The following SNTB1 variants were observed in gnomAD, a reference collection of about 807,000 sequenced individuals.
SNTB1 encodes the protein beta-1-syntrophin.
In SNTB1, 36 loss-of-function variants were observed where a neutral mutation model predicts 48.9. That is an observed-to-expected ratio of 0.74 (90% CI 0.56 to 0.97). SNTB1 has a LOEUF of 0.97. SNTB1 is among the 50% of genes least tolerant of loss of function. The pLI, the probability that SNTB1 is intolerant of heterozygous loss-of-function variation, is 0.00. For missense variants in SNTB1, 786 were observed against 703.4 expected, an observed-to-expected ratio of 1.12 and a Z score of -1.33; for synonymous variants, 299 against 294.6, an observed-to-expected ratio of 1.01 and a Z score of -0.15.
At chr8:120,666,323 T>G (rs1162770576) in intron 2 of SNTB1, among the ~76,000 whole-genome samples, 1 of 152,232 alleles carries the variant, frequency 6.6e-6, no homozygotes, top group East Asian at 1.9e-4. Flanking sequence ...TTCACCTTAA[T>G]TTTTGAAGGA....
intron 3 of SNTB1, among the ~76,000 whole-genome samples, chr8:120,579,197 CAA>C (rs569193250): frequency 0.2 from 29,974 of 151,776 alleles, 3,051 homozygotes; most frequent in Middle Eastern, 0.3. Context: ...AACAAACAAA[CAA>C]ACAAACAAAC....
At chr8:120,791,641 A>C (rs1820038182) in intron 1 of SNTB1, among the ~76,000 whole-genome samples, 1 of 152,064 alleles carries the variant, frequency 6.6e-6, no homozygotes, top group African/African-American at 2.4e-5. Context: ...AATATCATGA[A>C]TACTTGAAGC....
chr8:120,672,548 G>A (rs1378835105), intron 2 of SNTB1, among the ~76,000 whole-genome samples: 1 of 152,182 alleles, frequency 6.6e-6, no homozygotes, highest in Non-Finnish European at 1.5e-5. Flanking sequence ...ATGGCACAGA[G>A]CTCCTGAAAG....
chr8:120,726,914 C>A (rs1346818787), intron 1 of SNTB1, among the ~76,000 whole-genome samples: 1 of 152,208 alleles, frequency 6.6e-6, no homozygotes, highest in East Asian at 1.9e-4. Flanking sequence ...AATAGTCAAT[C>A]TGCAGTGCTC....
chr8:120,779,674 G>C (rs1263973390), intron 1 of SNTB1, among the ~76,000 whole-genome samples: 1 of 152,136 alleles, frequency 6.6e-6, no homozygotes, highest in Admixed American at 6.5e-5. Context: ...CAAGCTGTGG[G>C]TAAAACGAAC....
intron 2 of SNTB1, among the ~76,000 whole-genome samples, chr8:120,690,854 C>A (rs1486500721): frequency 6.6e-6 from 1 of 152,176 alleles, no homozygotes; most frequent in Non-Finnish European, 1.5e-5. Flanking sequence ...GCAAGCCTCA[C>A]CTAGGCCCCC....
intron 1 of SNTB1, among the ~76,000 whole-genome samples, chr8:120,722,584 GA>G (rs1342512763): frequency 3.3e-5 from 5 of 152,124 alleles, no homozygotes; most frequent in Non-Finnish European, 7.4e-5. Context: ...CTCACTTTTT[GA>G]TGGGGTTGTT....
chr8:120,548,882 TG>T lies in SNTB1; in HGVS notation c.1212del (p.Arg405GlyfsTer24). 2 of 1,613,848 alleles carry T rather than the reference TG, an allele frequency of 1.2e-6. No homozygotes were observed. Among genetic ancestry groups the T allele is most frequent in the Non-Finnish European group, 1.7e-6 (2 of 1,179,866 alleles). ...AAGAGATGTGTTTCAATCCCTTGCC[TG>T]GTACCAGTTCGCGTTGCAAAGGACA... is the stretch of plus-strand genomic sequence containing the variant. Reference protein sequence around the residue: ...VDLSFATRTGTRQGIETHLFR... With the variant: ...VDLSFATRTGXRQGIETHLFR... On this transcript the variant is annotated frameshift_variant, in exon 5 of 7. Transcript: ENST00000517992. LOFTEE classifies it high-confidence loss of function.
intron 2 of SNTB1, among the ~76,000 whole-genome samples, chr8:120,688,104 T>C (rs896809059): frequency 2.6e-5 from 4 of 152,194 alleles, no homozygotes; most frequent in Non-Finnish European, 4.4e-5. Context: ...TTGTGCACCA[T>C]TAATAGAGAT....
At chr8:120,595,068 C>T (rs999050724) in intron 3 of SNTB1, among the ~76,000 whole-genome samples, 1 of 152,046 alleles carries the variant, frequency 6.6e-6, no homozygotes, top group African/African-American at 2.4e-5. Flanking sequence ...GATGTTAACT[C>T]TCCTTGGTCC....
chr8:120,599,032 AAT>A (rs1816375015), intron 3 of SNTB1, among the ~76,000 whole-genome samples: 8 of 152,194 alleles, frequency 5.3e-5, no homozygotes, highest in Non-Finnish European at 8.8e-5. Flanking sequence ...CATATGGGGC[AAT>A]GTTCACAGGT....
Position 120,561,319 on chromosome 8 carries a change from C to CAA in SNTB1, c.1137-12363_1137-12362dup, listed in dbSNP as rs1221884195. Among the ~76,000 whole-genome samples, 84 of 45,480 alleles carry CAA rather than the reference C, an allele frequency of 1.8e-3. 1 individual carries two copies. The highest frequency in any genetic ancestry group is 0.019 in the Middle Eastern group (1 of 52). 29.8% of individuals were successfully genotyped at this position (45,480 alleles called of 152,430 possible). On this transcript the variant is annotated intron_variant, in intron 4 of 6. Coordinates refer to ENST00000517992, the MANE Select transcript of SNTB1 (RefSeq NM_021021.4). ...TGGGTGACAGAGTGAAACTCCATCTCAAAAAAAAAAAAAAAAAAAAAGAAA... is the reference window on the plus strand; with the variant it reads ...TGGGTGACAGAGTGAAACTCCATCTCAAAAAAAAAAAAAAAAAAAAAAAGAAA...
intron 1 of SNTB1, among the ~76,000 whole-genome samples, chr8:120,785,911 T>G (rs1189844494): frequency 1.3e-5 from 2 of 152,212 alleles, no homozygotes; most frequent in Non-Finnish European, 2.9e-5. Flanking sequence ...ATTGCCTGCA[T>G]TACGCTGGCT....
chr8:120,560,617 G>GT (rs1563817358), intron 4 of SNTB1, among the ~76,000 whole-genome samples: 4 of 152,330 alleles, frequency 2.6e-5, no homozygotes, highest in Admixed American at 1.3e-4. Context: ...CTTAGTACAG[G>GT]TGAATAAGCA....
intron 1 of SNTB1, among the ~76,000 whole-genome samples, chr8:120,791,218 A>T (rs192660277): frequency 8.9e-4 from 136 of 151,990 alleles, no homozygotes; most frequent in African/African-American, 3.1e-3. Flanking sequence ...GGAGGCAATA[A>T]ATGTTGATAG....
At chr8:120,554,520 G>T (rs917806405) in intron 4 of SNTB1, among the ~76,000 whole-genome samples, 3 of 152,110 alleles carry the variant, frequency 2.0e-5, no homozygotes, top group African/African-American at 7.2e-5. Flanking sequence ...GCTCCTTATA[G>T]TTTTCACTCG....
At chr8:120,706,674 G>T (rs991277123) in intron 1 of SNTB1, among the ~76,000 whole-genome samples, 1 of 152,152 alleles carries the variant, frequency 6.6e-6, no homozygotes, top group Non-Finnish European at 1.5e-5. Flanking sequence ...TTTACTCTTT[G>T]CTAGACAGAA....
At chr8:120,751,864 G>A (rs1022994485) in intron 1 of SNTB1, among the ~76,000 whole-genome samples, 4 of 152,104 alleles carry the variant, frequency 2.6e-5, no homozygotes, top group African/African-American at 9.7e-5. Flanking sequence ...TGATCAGGTC[G>A]CTTTTTCAAC....
chr8:120,690,707 T>C (rs1425779667), intron 2 of SNTB1, among the ~76,000 whole-genome samples: 2 of 152,250 alleles, frequency 1.3e-5, no homozygotes, highest in African/African-American at 4.8e-5. Context: ...CTGTTAGATG[T>C]GTCTCTTGCA....
Sources: gnomAD v4.1 joint callset for allele counts (sites outside exome capture counted in the v4.1 genomes callset) on GRCh38, gnomAD v4.1.1 for gene constraint, MANE v1.5 for transcripts, NCBI Gene and HGNC (gene_info 2026-07-23, HGNC 2026-07-21) for gene names.